The following NDRG4 variants were observed in gnomAD, a reference collection of about 807,000 sequenced individuals.
NDRG4 encodes NDRG family member 4.
A neutral mutation model predicts 55.8 loss-of-function variants in NDRG4; 38 were observed. The observed-to-expected ratio is 0.68, with a 90% confidence interval of 0.53 to 0.89. NDRG4 has a LOEUF of 0.89. Ranked by LOEUF, NDRG4 falls within the 40% of genes least tolerant of loss-of-function variation. The pLI is 0.00. For missense variants in NDRG4, 455 were observed against 468.6 expected (o/e 0.97, Z 0.27); for synonymous variants, 190 against 182.7 (o/e 1.04, Z -0.32).
At chr16:58,485,384 C>G (rs888930266) in intron 1 of NDRG4, among the ~76,000 whole-genome samples, 1 of 152,190 alleles carries the variant, frequency 6.6e-6, no homozygotes, top group African/African-American at 2.4e-5. Flanking sequence ...CCATCTGTCC[C>G]TGCACTGCCC....
Position 58,504,839 on chromosome 16 carries a change from A to G in NDRG4, c.372+190A>G, listed in dbSNP as rs9939045. On this transcript the variant is annotated intron_variant, in intron 5 of 14. Transcript: ENST00000570248. ...TCCAGGGAAATTAACTTTTTTAAAA[A>G]AGAGGTTCCTTTCTCCATATAGTTT... The G allele has an allele frequency of 6.5e-6, 4 of 614,988 alleles. No homozygotes were observed. The Admixed American group carries it at 1.2e-4, about 19-fold the overall frequency. 38.1% of individuals were successfully genotyped at this position (614,988 alleles called of 1,614,324 possible). A position where few individuals can be genotyped will look rare whatever the true frequency, so the allele number is the denominator to read the frequency against.
intron 1 of NDRG4, chr16:58,465,094 G>T (rs1002868715): frequency 7.8e-7 from 1 of 1,286,568 alleles, no homozygotes; most frequent in South Asian, 1.2e-5. Context: ...GCAGGGACGG[G>T]GGGGAGGATT....
At chr16:58,470,849 G>C (rs933515507) in intron 1 of NDRG4, among the ~76,000 whole-genome samples, 1 of 144,502 alleles carries the variant, frequency 6.9e-6, no homozygotes, top group South Asian at 2.2e-4. Context: ...AGAGGTTGCA[G>C]TGAGCTGAGA....
At chr16:58,503,374 G>T (rs2037414445) in intron 1 of NDRG4, among the ~76,000 whole-genome samples, 1 of 152,212 alleles carries the variant, frequency 6.6e-6, no homozygotes, top group Non-Finnish European at 1.5e-5. Context: ...AGGATTCCAG[G>T]CAGGACCACT....
intron 13 of NDRG4, among the ~76,000 whole-genome samples, chr16:58,510,349 G>C (rs1436703554): frequency 1.3e-5 from 2 of 152,226 alleles, no homozygotes; most frequent in African/African-American, 4.8e-5. Context: ...GCACAGAGCG[G>C]GCAGGCCTCC....
Position 58,507,271 on chromosome 16 carries a change from G to T in NDRG4, c.620+256G>T, listed in dbSNP as rs944710507. On this transcript the variant is annotated intron_variant, in intron 8 of 14. Transcript: ENST00000570248. ...GGGGGCTTCCCGCTTGGGAATGTTG[G>T]GGGTGTTAGTGACATCCCTGACTCC... 7 of 533,898 alleles carry T rather than the reference G, an allele frequency of 1.3e-5. 1 individual carries two copies. Among genetic ancestry groups the T allele is most frequent in the East Asian group, 6.2e-5 (2 of 32,144 alleles). 33.1% of individuals were successfully genotyped at this position (533,898 alleles called of 1,614,324 possible).
chr16:58,506,182 A>G (rs1597321398), intron 5 of NDRG4: 1 of 622,368 alleles, frequency 1.6e-6, no homozygotes, highest in African/African-American at 2.2e-5. Context: ...GGGTGGAAAC[A>G]ATGATAGAGA....
intron 10 of NDRG4, 117 bp from the exon 11 acceptor site, chr16:58,508,845 C>A: frequency 9.3e-7 from 1 of 1,080,680 alleles, no homozygotes; most frequent in South Asian, 1.4e-5. Context: ...AGCTGCTGGG[C>A]CTCCCTCTGC....
At position 58,506,950 on chromosome 16, in the gene NDRG4, C is replaced by T; in HGVS notation, c.555C>T (p.Tyr185=). Residue 185 remains tyrosine, a synonymous_variant, in exon 8 of 15, where the codon TAC becomes TAT. Transcript: ENST00000570248. ...ACAACACAGAGTTGGTGCAGAGCTA[C>T]CGGCAGCAGATTGGGAACGTGGTGA... ...LVNNTELVQS[Y]RQQIGNVVNQ... 1 of 1,614,138 alleles carries T rather than the reference C, an allele frequency of 6.2e-7. No individual in the cohort carries two copies. The highest frequency in any genetic ancestry group is 1.1e-5 in the South Asian group (1 of 91,070).
At position 58,500,187 on chromosome 16, in the gene NDRG4, C is replaced by A; in HGVS notation, c.-62C>A. On this transcript the variant is annotated 5_prime_UTR_variant, in exon 1 of 15. Transcript: ENST00000570248. Reference sequence around the variant, plus strand: ...ACTCGAGCTGCCCCCGCCCTCTGGACCCGAGTGACTCAGGCCTTTGTTTGT... The same window carrying A: ...ACTCGAGCTGCCCCCGCCCTCTGGAACCGAGTGACTCAGGCCTTTGTTTGT... 6.5e-7 allele frequency: 1 copy of A among 1,535,984 alleles called. No individual in the cohort carries two copies. The highest frequency in any genetic ancestry group is 8.7e-7 in the Non-Finnish European group (1 of 1,146,830).
exon 2 of NDRG4, chr16:58,487,836 G>A (rs2035284728): frequency 6.5e-7 from 1 of 1,541,632 alleles, no homozygotes; most frequent in African/African-American, 1.4e-5. Context: ...CCGGGGCCAG[G>A]ACGCCACCGA....
chr16:58,500,084 G>C, upstream of NDRG4: 15 of 1,496,350 alleles, frequency 1.0e-5, no homozygotes, highest in Non-Finnish European at 1.3e-5. Context: ...GCGGGGAGGA[G>C]GGGCTAGCTA....
chr16:58,470,906 C>CAAAAAAAAAAAAA (rs142300769), intron 1 of NDRG4, among the ~76,000 whole-genome samples: 1 of 79,776 alleles, frequency 1.3e-5, no homozygotes. Flanking sequence ...GACACCATCT[C>CAAAAAAAAAAAAA]CAAAAAAAAA....
chr16:58,495,166 G>A, upstream of NDRG4, among the ~76,000 whole-genome samples: 1 of 152,210 alleles, frequency 6.6e-6, no homozygotes, highest in Non-Finnish European at 1.5e-5. Context: ...GCTTCTGCGA[G>A]CAGCAGGGAA....
At chr16:58,503,969 C>A (rs752854778) in intron 2 of NDRG4, 66 bp downstream of exon 2, 2 of 1,574,400 alleles carry the variant, frequency 1.3e-6, no homozygotes, top group African/African-American at 1.3e-5. Flanking sequence ...TGAGGCCCCC[C>A]ACCCTCCCCA....
intron 2 of NDRG4, among the ~76,000 whole-genome samples, chr16:58,491,700 T>C (rs1049324668): frequency 3.3e-5 from 5 of 152,218 alleles, no homozygotes; most frequent in Admixed American, 1.3e-4. Flanking sequence ...CCTCAGGTGA[T>C]TGGCTCGCCT....
intron 1 of NDRG4, 80 bp from the exon 2 acceptor site, chr16:58,503,718 C>G (rs764487571): frequency 1.9e-6 from 3 of 1,590,132 alleles, no homozygotes; most frequent in Non-Finnish European, 2.6e-6. Context: ...CTAACAGGTA[C>G]CAGGCTGCGT....
chr16:58,465,989 G>T lies in NDRG4; in HGVS notation c.-24+2192G>T, dbSNP rs575998704. 1.5e-3 allele frequency among the ~76,000 whole-genome samples: 230 copies of T among 152,306 alleles called. 1 individual carries two copies. The highest frequency in any genetic ancestry group is 5.2e-3 in the African/African-American group (215 of 41,570). On this transcript the variant is annotated intron_variant, in intron 1 of 15. Transcript: ENST00000258187. ...CACTGAACTTGTTAACCCCCTGGAG[G>T]GAAGGCTTGCGGTTCCATGGGTGTT...
At chr16:58,473,664 C>G (rs16960183) in intron 1 of NDRG4, among the ~76,000 whole-genome samples, 34,744 of 151,992 alleles carry the variant, frequency 0.23, 4,544 homozygotes, top group Non-Finnish European at 0.29. Context: ...ATCCGTGAGT[C>G]CCCCTAGCTT....
Sources: allele counts gnomAD v4.1 joint callset (sites outside exome capture counted in the v4.1 genomes callset), GRCh38; gene constraint gnomAD v4.1.1; transcripts MANE v1.5; gene names NCBI Gene and HGNC (gene_info 2026-07-23, HGNC 2026-07-21).